The following NFIA variants were observed in gnomAD, a reference collection of about 807,000 sequenced individuals.
The protein encoded by NFIA is nuclear factor I A, also known as nuclear factor 1 A-type.
A neutral mutation model predicts 62.8 loss-of-function variants in NFIA; 8 were observed. The ratio of observed to expected loss-of-function variants is 0.13; its 90% CI spans 0.07 to 0.23. The LOEUF (loss-of-function observed/expected upper bound fraction) is 0.23, where lower values mean the gene tolerates loss of function less well. Among genes scored for constraint, NFIA ranks in the 10% least tolerant of loss-of-function variants. NFIA has a pLI of 1.00. For missense variants in NFIA, 410 were observed against 642.1 expected (o/e 0.64, Z 3.91); for synonymous variants, 235 against 238.1 (o/e 0.99, Z 0.12).
rs879324811 is a variant in NFIA at position 61,127,608 on chromosome 1, T to G, written c.559+38928T>G. ...GACCGTGTATTTCAGCCAGAAGATA[T>G]GGTGAATGGTCTTGTAAGATGCCTG... On this transcript the variant is annotated intron_variant, in intron 2 of 10. Coordinates refer to ENST00000403491, the MANE Select transcript of NFIA (RefSeq NM_001134673.4). 3.3e-5 allele frequency among the ~76,000 whole-genome samples: 5 copies of G among 152,146 alleles called. No individual in the cohort carries two copies. The South Asian group carries it at 1.0e-3, about 32-fold the overall frequency.
At chr1:61,256,485 G>A (rs1006697070) in intron 2 of NFIA, among the ~76,000 whole-genome samples, 9 of 148,828 alleles carry the variant, frequency 6.0e-5, no homozygotes, top group East Asian at 3.9e-4. Flanking sequence ...GAAAGTTTAC[G>A]AATTTGTGTT....
At position 61,426,445 on chromosome 1, in the gene NFIA, T is replaced by C. The variant is rs1413341711; in HGVS notation, c.1421-20T>C. 13 of 1,532,788 alleles carry C rather than the reference T, an allele frequency of 8.5e-6. No homozygotes were observed. Among genetic ancestry groups the C allele is most frequent in the East Asian group, 2.4e-5 (1 of 40,832 alleles). 94.9% of individuals were successfully genotyped at this position (1,532,788 alleles called of 1,614,324 possible). A position where few individuals can be genotyped will look rare whatever the true frequency, so the allele number is the denominator to read the frequency against. Reference sequence around the variant, plus strand: ...AATCTCGTGCCGCTTCCTGAACGCATGTGTCCCTTCCCTTCACAGCCTACT... The same window carrying C: ...AATCTCGTGCCGCTTCCTGAACGCACGTGTCCCTTCCCTTCACAGCCTACT... On this transcript the variant is annotated intron_variant, in intron 9 of 10. Coordinates refer to ENST00000403491, the MANE Select transcript of NFIA (RefSeq NM_001134673.4).
intron 1 of NFIA, among the ~76,000 whole-genome samples, chr1:61,084,382 G>A (rs1227409410): frequency 6.6e-6 from 1 of 151,670 alleles, no homozygotes; most frequent in African/African-American, 2.4e-5. Context: ...TTTAGGCCTA[G>A]CATTAATAAT....
chr1:61,099,229 T>C (rs992542227), intron 2 of NFIA, among the ~76,000 whole-genome samples: 2 of 152,232 alleles, frequency 1.3e-5, no homozygotes, highest in Non-Finnish European at 2.9e-5. Flanking sequence ...TTACTTTATG[T>C]GCGGTTGAAT....
At chr1:61,384,118 G>C (rs1664564030) in intron 7 of NFIA, among the ~76,000 whole-genome samples, 1 of 152,194 alleles carries the variant, frequency 6.6e-6, no homozygotes, top group African/African-American at 2.4e-5. Context: ...AACTCCCACA[G>C]TAGAAGTATG....
intron 7 of NFIA, among the ~76,000 whole-genome samples, chr1:61,401,242 G>A (rs1299276776): frequency 1.3e-5 from 2 of 152,002 alleles, no homozygotes. Context: ...ATGATTTCCT[G>A]GTATTAATTA....
chr1:61,460,452 G>T lies in NFIA; in HGVS notation c.*5132G>T, dbSNP rs1306309095. 1.3e-5 allele frequency: 2 copies of T among 152,192 alleles called. No homozygotes were observed. The highest frequency in any genetic ancestry group is 4.8e-5 in the African/African-American group (2 of 41,454). The allele number at this position is 152,192 out of a possible 1,614,324, so 9.4% of individuals were successfully genotyped here. The stretch of plus-strand genomic sequence containing the variant: ...GGCTGACAAAATGATTTACACAAAT[G>T]TGACAACTTGGGCTCAATTCACTCT... On this transcript the variant is annotated 3_prime_UTR_variant, in exon 11 of 11. Transcript: ENST00000403491.
intron 7 of NFIA, among the ~76,000 whole-genome samples, chr1:61,396,251 G>C (rs1011851811): frequency 6.6e-6 from 1 of 151,994 alleles, no homozygotes. Flanking sequence ...TTTGTTTGTT[G>C]GTTGGTTTTT....
intron 3 of NFIA, among the ~76,000 whole-genome samples, chr1:61,315,459 G>A (rs1295772963): frequency 6.6e-6 from 1 of 152,130 alleles, no homozygotes; most frequent in Non-Finnish European, 1.5e-5. Flanking sequence ...AGATTTGATC[G>A]ATTTTCTGAT....
chr1:61,184,152 A>AC (rs1271741857), intron 2 of NFIA, among the ~76,000 whole-genome samples: 1 of 151,174 alleles, frequency 6.6e-6, no homozygotes, highest in East Asian at 1.9e-4. Context: ...ACCCAAAAAA[A>AC]CAAAACAAAA....
intron 2 of NFIA, among the ~76,000 whole-genome samples, chr1:61,268,277 T>C (rs1657297583): frequency 1.3e-5 from 2 of 152,320 alleles, no homozygotes; most frequent in African/African-American, 4.8e-5. Context: ...CCATTCTTAC[T>C]CCTATCCTTT....
intron 9 of NFIA, among the ~76,000 whole-genome samples, chr1:61,420,771 A>G (rs1425400842): frequency 6.6e-6 from 1 of 152,220 alleles, no homozygotes; most frequent in African/African-American, 2.4e-5. Context: ...GAGAAGGGAA[A>G]GGTTTAGAGT....
chr1:61,245,682 T>C (rs549389034), intron 2 of NFIA, among the ~76,000 whole-genome samples: 1 of 152,248 alleles, frequency 6.6e-6, no homozygotes, highest in African/African-American at 2.4e-5. Flanking sequence ...TATCAAGACA[T>C]TTAGGTTTTT....
intron 2 of NFIA, among the ~76,000 whole-genome samples, chr1:61,090,348 G>C (rs1455854469): frequency 6.6e-6 from 1 of 152,094 alleles, no homozygotes; most frequent in Non-Finnish European, 1.5e-5. Context: ...ATCGAAACTT[G>C]AAAGTGCCAA....
chr1:61,085,689 A>G (rs74603466), intron 1 of NFIA, among the ~76,000 whole-genome samples: 1 of 152,184 alleles, frequency 6.6e-6, no homozygotes, highest in Admixed American at 6.5e-5. Flanking sequence ...ACATTAGAAA[A>G]AATCAATACT....
chr1:61,272,270 A>G (rs1657555024), intron 2 of NFIA, among the ~76,000 whole-genome samples: 2 of 152,190 alleles, frequency 1.3e-5, no homozygotes, highest in South Asian at 2.1e-4. Context: ...GACATTCTAC[A>G]TTCTCAAATA....
At chr1:61,150,362 T>G (rs764079387) in intron 2 of NFIA, among the ~76,000 whole-genome samples, 93 of 152,234 alleles carry the variant, frequency 6.1e-4, no homozygotes, top group Non-Finnish European at 1.1e-3. Context: ...GTGGCCCCAG[T>G]AGGACTGGGC....
intron 2 of NFIA, among the ~76,000 whole-genome samples, chr1:61,091,649 G>C (rs1207773795): frequency 6.6e-6 from 1 of 152,136 alleles, no homozygotes; most frequent in East Asian, 1.9e-4. Context: ...TTCTTTGTGG[G>C]TGTGTAACAG....
intron 2 of NFIA, among the ~76,000 whole-genome samples, chr1:61,269,959 C>A (rs1230150405): frequency 6.6e-6 from 1 of 152,186 alleles, no homozygotes; most frequent in Non-Finnish European, 1.5e-5. Flanking sequence ...ACTTAACACA[C>A]AAATGTCTGT....
Sources: allele counts gnomAD v4.1 joint callset (sites outside exome capture counted in the v4.1 genomes callset), GRCh38; gene constraint gnomAD v4.1.1; transcripts MANE v1.5; gene names NCBI Gene and HGNC (gene_info 2026-07-23, HGNC 2026-07-21).